NUP160: variants seen among roughly 807,000 people sequenced by gnomAD.
The protein encoded by NUP160 is nucleoporin 160, also known as nuclear pore complex protein Nup160.
In NUP160, 94 loss-of-function variants were observed where a neutral mutation model predicts 196.9. That is an observed-to-expected ratio of 0.48 (90% confidence interval 0.40 to 0.57). The LOEUF is 0.57. Ranked by LOEUF, NUP160 falls within the 20% of genes least tolerant of loss-of-function variation. NUP160 has a pLI of 0.00. For missense variants in NUP160, 1,638 were observed against 1,748.3 expected (o/e 0.94, Z 1.13); for synonymous variants, 605 against 619.7 (o/e 0.98, Z 0.35).
At chr11:47,832,307 C>T (rs1360931814) in intron 7 of NUP160, among the ~76,000 whole-genome samples, 1 of 152,088 alleles carries the variant, frequency 6.6e-6, no homozygotes, top group Non-Finnish European at 1.5e-5. Context: ...AATAATAGCC[C>T]TTCCCCAAAA....
exon 36 of NUP160, chr11:47,778,120 G>T (rs986628671): frequency 7.3e-6 from 1 of 137,744 alleles, no homozygotes; most frequent in Admixed American, 7.7e-5. Context: ...AACTCACATT[G>T]TTAATTAAAG....
At chr11:47,791,725 A>G (rs1381437271) in intron 29 of NUP160, among the ~76,000 whole-genome samples, 2 of 152,218 alleles carry the variant, frequency 1.3e-5, no homozygotes, top group African/African-American at 4.8e-5. Context: ...AAAGAATCCA[A>G]TATACTTATT....
chr11:47,816,118 A>T, intron 11 of NUP160, 89 bp from the exon 12 acceptor site: 1 of 867,844 alleles, frequency 1.2e-6, no homozygotes, highest in Non-Finnish European at 1.9e-6. Context: ...GGCAATATAA[A>T]ACTATATAAT....
chr11:47,799,600 C>T (rs908822574), intron 23 of NUP160, among the ~76,000 whole-genome samples: 12 of 151,934 alleles, frequency 7.9e-5, no homozygotes, highest in African/African-American at 1.5e-4. Flanking sequence ...GGCTGGAGTG[C>T]AGTGGCATGA....
chr11:47,834,536 CTTCCA>C (rs1429748346), intron 7 of NUP160, among the ~76,000 whole-genome samples: 2 of 152,222 alleles, frequency 1.3e-5, no homozygotes, highest in Non-Finnish European at 2.9e-5. Context: ...TTCCTCTTCC[CTTCCA>C]TTCTGTTCCT....
chr11:47,808,325 C>A, intron 18 of NUP160, 71 bp downstream of exon 18: 2 of 1,422,064 alleles, frequency 1.4e-6, no homozygotes, highest in Non-Finnish European at 1.9e-6. Context: ...AAACTTTTTC[C>A]CTTTAAGACA....
chr11:47,800,028 T>G (rs1599315443), intron 23 of NUP160, among the ~76,000 whole-genome samples: 1 of 151,922 alleles, frequency 6.6e-6, no homozygotes, highest in Admixed American at 6.6e-5. Context: ...CCGAGGCAGG[T>G]GGATCACTAG....
At chr11:47,840,401 G>A in exon 3 of NUP160, 1 of 1,613,958 alleles carries the variant, frequency 6.2e-7, no homozygotes, top group Non-Finnish European at 8.5e-7. Flanking sequence ...CGGGAGGGGT[G>A]TGGTAAAAGT....
intron 12 of NUP160, 118 bp from the exon 13 acceptor site, chr11:47,815,767 CG>C: frequency 1.0e-6 from 1 of 966,438 alleles, no homozygotes; most frequent in South Asian, 1.7e-5. Flanking sequence ...ATATTCCTTA[CG>C]TATTAAAGGC....
At chr11:47,813,085 C>A in intron 14 of NUP160, 38 bp from the exon 15 acceptor site, 1 of 1,393,900 alleles carries the variant, frequency 7.2e-7, no homozygotes, top group Admixed American at 1.9e-5. Context: ...TGTCTTAAGC[C>A]AATGACAATC....
At chr11:47,778,575 AT>A (rs2097658854) in exon 36 of NUP160, 1 of 152,698 alleles carries the variant, frequency 6.5e-6, no homozygotes, top group Non-Finnish European at 1.5e-5. Context: ...AAATTATTTA[AT>A]ACTCAATTGA....
At chr11:47,783,172 A>G in exon 34 of NUP160, 2 of 1,613,736 alleles carry the variant, frequency 1.2e-6, no homozygotes, top group Non-Finnish European at 1.7e-6. Context: ...TTAAGTATAA[A>G]CGAAGCAATT....
intron 27 of NUP160, 68 bp from the exon 28 acceptor site, chr11:47,793,014 T>A: frequency 1.5e-6 from 2 of 1,374,930 alleles, no homozygotes; most frequent in Non-Finnish European, 2.0e-6. Flanking sequence ...GGAGACAGAG[T>A]CTTGCTCTGT....
chr11:47,833,811 G>A (rs987258162), intron 7 of NUP160, among the ~76,000 whole-genome samples: 1 of 66,990 alleles, frequency 1.5e-5, no homozygotes, highest in Non-Finnish European at 4.9e-5. Context: ...AAGCTTTCCT[G>A]GGAAACAACA....
chr11:47,848,070 G>A lies in NUP160; in HGVS notation c.203-111C>T. 5 of 1,255,980 alleles carry A rather than the reference G, an allele frequency of 4.0e-6. No individual in the cohort carries two copies. In the South Asian group the frequency reaches 4.8e-5, roughly 12 times the overall value. The allele number at this position is 1,255,980 out of a possible 1,614,324, so 77.8% of individuals were successfully genotyped here. Reference sequence around the variant, plus strand: ...ACTGACAACCCATACAAAGAAAAGAGGAAAACGTCGGACATCAAGGAATCT... The same window carrying A: ...ACTGACAACCCATACAAAGAAAAGAAGAAAACGTCGGACATCAAGGAATCT... On this transcript the variant is annotated intron_variant, in intron 1 of 35. Coordinates refer to ENST00000378460, the Ensembl canonical transcript of NUP160.
intron 9 of NUP160, 38 bp downstream of exon 9, chr11:47,821,686 T>TG (rs1436103827): frequency 6.8e-7 from 1 of 1,469,416 alleles, no homozygotes; most frequent in Admixed American, 1.7e-5. Context: ...TGAAATTGCT[T>TG]GGGGTGAGGT....
rs1033379508 is a variant in NUP160 at position 47,807,019 on chromosome 11, T to C, written c.2446+51A>G. The stretch of plus-strand genomic sequence containing the variant: ...TGGCAAAAGACCACTTTAATGAATA[T>C]GCAATAAATCCCCAGTTTAAAATGA... On this transcript the variant is annotated intron_variant, in intron 19 of 35. Transcript: ENST00000378460. 8.4e-6 allele frequency: 11 copies of C among 1,315,294 alleles called. 1 individual carries two copies. The highest frequency in any genetic ancestry group is 1.2e-5 in the South Asian group (1 of 81,312). 81.5% of individuals were successfully genotyped at this position (1,315,294 alleles called of 1,614,324 possible).
rs759554801 is a variant in NUP160, at chr11:47,804,607, T to C, written c.2618A>G (p.Asn873Ser). ...ACATTCTAGAAAGAGACAACCAGGA[T>C]TGCTAGGCCATCTAGTCATTGGTTA... Residue 873 changes from asparagine to serine, a missense_variant, in exon 21 of 36, where the codon AAT becomes AGT. Physicochemically the swap from Asn to Ser is conservative, Grantham distance 46. This residue lies in a region of NUP160 where 1,345 missense variants were observed against 1,470.2 expected (regional missense o/e 0.91). Coordinates refer to ENST00000378460, the Ensembl canonical transcript of NUP160. 63 of 1,529,074 alleles carry C rather than the reference T, an allele frequency of 4.1e-5. No homozygotes were observed. In the East Asian group the frequency reaches 1.6e-3, roughly 38 times the overall value. The allele number at this position is 1,529,074 out of a possible 1,614,324, so 94.7% of individuals were successfully genotyped here.
chr11:47,796,430 AT>A (rs1404130801), intron 27 of NUP160: 2 of 320,906 alleles, frequency 6.2e-6, no homozygotes, highest in African/African-American at 4.3e-5. Context: ...CATTAAAAAA[AT>A]CATGATGTCT....
Sources: allele counts gnomAD v4.1 joint callset (sites outside exome capture counted in the v4.1 genomes callset), GRCh38; gene constraint gnomAD v4.1.1; regional missense constraint gnomAD v4.1.1; transcripts MANE v1.5; gene names NCBI Gene and HGNC (gene_info 2026-07-23, HGNC 2026-07-21).